The following TMEFF2 variants were observed in gnomAD, a reference collection of about 807,000 sequenced individuals.
TMEFF2 encodes tomoregulin-2.
A neutral mutation model predicts 53.8 loss-of-function variants in TMEFF2; 28 were observed. The observed-to-expected ratio is 0.52, with a 90% CI of 0.39 to 0.71. TMEFF2 has a LOEUF of 0.71. Ranked by LOEUF, TMEFF2 falls within the 30% of genes least tolerant of loss-of-function variation. TMEFF2 has a pLI of 0.00. For synonymous variants in TMEFF2, 162 were observed against 166.3 expected, an observed-to-expected ratio of 0.97 and a Z score of 0.20; for missense variants, 353 against 455.2, an observed-to-expected ratio of 0.78 and a Z score of 2.04.
At position 191,998,335 on chromosome 2, in the gene TMEFF2, T is replaced by G; in HGVS notation, c.686-14A>C. On this transcript the variant is annotated splice_polypyrimidine_tract_variant and intron_variant, in intron 6 of 9. Coordinates refer to ENST00000272771, the MANE Select transcript of TMEFF2 (RefSeq NM_016192.4). ...TAGTTGTGTTATCTGTGTTAAAAAATTAACAATAAAAATTGATTAACTGCT... is the reference window on the plus strand; with the variant it reads ...TAGTTGTGTTATCTGTGTTAAAAAAGTAACAATAAAAATTGATTAACTGCT... 2 of 1,577,708 alleles carry G rather than the reference T, an allele frequency of 1.3e-6. No individual in the cohort carries two copies. The highest frequency in any genetic ancestry group is 1.7e-6 in the Non-Finnish European group (2 of 1,157,996).
intron 5 of TMEFF2, among the ~76,000 whole-genome samples, chr2:192,057,030 A>G (rs915618341): frequency 3.9e-5 from 6 of 152,012 alleles, no homozygotes; most frequent in African/African-American, 9.7e-5. Context: ...CTGATCATCT[A>G]TTGCTGCCTG....
chr2:191,968,086 A>T (rs1692519485), intron 7 of TMEFF2, among the ~76,000 whole-genome samples: 1 of 152,218 alleles, frequency 6.6e-6, no homozygotes, highest in Admixed American at 6.5e-5. Context: ...GGCTTCTTTA[A>T]TGACTCTGTT....
intron 2 of TMEFF2, among the ~76,000 whole-genome samples, chr2:192,185,802 A>G (rs949980582): frequency 1.3e-5 from 2 of 152,106 alleles, no homozygotes; most frequent in Non-Finnish European, 2.9e-5. Context: ...TAATAGCTTA[A>G]TTATCATAAC....
intron 7 of TMEFF2, among the ~76,000 whole-genome samples, chr2:191,990,900 G>A (rs539477043): frequency 2.4e-4 from 37 of 151,632 alleles, no homozygotes; most frequent in African/African-American, 8.5e-4. Flanking sequence ...GAATATTTAG[G>A]TCCTCTAAAC....
In TMEFF2 at chr2:192,194,462, C is replaced by A. The variant is rs200513061; in HGVS notation, c.63G>T (p.Trp21Cys). 7.4e-5 allele frequency: 119 copies of A among 1,614,164 alleles called. No individual in the cohort carries two copies. The highest frequency in any genetic ancestry group is 1.0e-4 in the Non-Finnish European group (119 of 1,180,024). The change falls in exon 1 of 10, where the codon TGG (tryptophan) becomes TGT (cysteine). Residue 21 changes from tryptophan to cysteine, a missense_variant. Trp to Cys is a radical substitution (Grantham distance 215). Transcript: ENST00000272771. This position sits in a 1 kb window ranked among gnomAD's most constrained non-coding sequence, Gnocchi z 4.2. Reference protein sequence around the residue: ...SSWTLCEGFCWLLLLPVMLLI... With the variant: ...SSWTLCEGFCCLLLLPVMLLI... ...GTAGCATGACGGGCAGCAGCAGCAGCCAGCAAAAGCCCTCGCAAAGTGTCC... is the reference window on the plus strand; with the variant it reads ...GTAGCATGACGGGCAGCAGCAGCAGACAGCAAAAGCCCTCGCAAAGTGTCC...
rs1470649243 is a variant in TMEFF2 at position 191,964,251 on chromosome 2, TCCTTCC to T, written c.746-7879_746-7874del. ...TTCTTTCCTTCCTTCCTTCCTTCCT[TCCTTCC>T]TCCTTTCTTTTCTTTTTTCTTTTCC... On this transcript the variant is annotated intron_variant, in intron 7 of 9. Transcript: ENST00000272771. 3.1e-3 allele frequency among the ~76,000 whole-genome samples: 197 copies of T among 64,328 alleles called. 2 individuals are homozygous for T. The highest frequency in any genetic ancestry group is 8.5e-3 in the African/African-American group (147 of 17,252). 42.2% of individuals were successfully genotyped at this position (64,328 alleles called of 152,430 possible). A position where few individuals can be genotyped will look rare whatever the true frequency, so the allele number is the denominator to read the frequency against.
At chr2:191,975,431 CA>C (rs1212396440) in intron 7 of TMEFF2, among the ~76,000 whole-genome samples, 4 of 150,738 alleles carry the variant, frequency 2.7e-5, no homozygotes, top group Non-Finnish European at 4.4e-5. Flanking sequence ...TCTCCAAACT[CA>C]AATATCTACA....
intron 5 of TMEFF2, among the ~76,000 whole-genome samples, chr2:192,045,567 C>A (rs543810957): frequency 1.8e-4 from 27 of 152,344 alleles, no homozygotes; most frequent in Non-Finnish European, 3.2e-4. Context: ...GCTTCTTTCT[C>A]CAGCCAACCC....
intron 8 of TMEFF2, 31 bp downstream of exon 8, chr2:191,956,224 C>T (rs1012152238): frequency 1.0e-5 from 16 of 1,582,496 alleles, no homozygotes; most frequent in African/African-American, 1.4e-5. Context: ...TAACTTTATA[C>T]ATTAACTATT....
intron 5 of TMEFF2, among the ~76,000 whole-genome samples, chr2:192,045,230 A>C (rs1247797189): frequency 6.6e-6 from 1 of 152,226 alleles, no homozygotes; most frequent in Non-Finnish European, 1.5e-5. Flanking sequence ...ACAATGGTGA[A>C]GAAAAATCCT....
chr2:192,011,845 C>T (rs756539802), intron 5 of TMEFF2, among the ~76,000 whole-genome samples: 2 of 152,076 alleles, frequency 1.3e-5, no homozygotes, highest in African/African-American at 2.4e-5. Context: ...TTTAAGCAAG[C>T]TCAGTTATAA....
Position 192,089,952 on chromosome 2 carries a change from A to ATGACT in TMEFF2, c.440-32182_440-32178dup, listed in dbSNP as rs1688754018. Among the ~76,000 whole-genome samples, 3 of 152,288 alleles carry ATGACT rather than the reference A, an allele frequency of 2.0e-5. No homozygotes were observed. In the South Asian group the frequency reaches 6.2e-4, roughly 32 times the overall value. ...CCACGCATTGACTTCCCTATGTAAG[A>ATGACT]TGACTTCTCTTCTCTTTTCTTGAGA... On this transcript the variant is annotated intron_variant, in intron 4 of 9. Transcript: ENST00000272771.
chr2:192,112,585 G>A (rs1460310415), intron 4 of TMEFF2, among the ~76,000 whole-genome samples: 1 of 152,150 alleles, frequency 6.6e-6, no homozygotes, highest in Non-Finnish European at 1.5e-5. Context: ...AGTTAATGCT[G>A]AAATGAGTTA....
chr2:191,973,365 C>T (rs1167725756), intron 7 of TMEFF2, among the ~76,000 whole-genome samples: 1 of 151,964 alleles, frequency 6.6e-6, no homozygotes, highest in African/African-American at 2.4e-5. Context: ...GACTGCAACA[C>T]TCCTAACAGG....
intron 4 of TMEFF2, among the ~76,000 whole-genome samples, chr2:192,064,969 A>G (rs1032577669): frequency 1.3e-5 from 2 of 151,856 alleles, no homozygotes; most frequent in African/African-American, 4.8e-5. Context: ...TACCTAATGA[A>G]AGCTGACTAA....
At chr2:192,171,518 G>T (rs1001225059) in intron 4 of TMEFF2, among the ~76,000 whole-genome samples, 2 of 151,818 alleles carry the variant, frequency 1.3e-5, no homozygotes, top group South Asian at 4.1e-4. Flanking sequence ...CCCAGAAAAA[G>T]AACTTTCTGT....
intron 5 of TMEFF2, among the ~76,000 whole-genome samples, chr2:192,009,345 T>TA (rs1180192114): frequency 6.6e-6 from 1 of 152,188 alleles, no homozygotes; most frequent in African/African-American, 2.4e-5. Flanking sequence ...TTTCATCTTA[T>TA]GATATAAAGG....
chr2:192,013,354 G>T (rs995801403), intron 5 of TMEFF2, among the ~76,000 whole-genome samples: 5 of 152,042 alleles, frequency 3.3e-5, no homozygotes, highest in African/African-American at 4.8e-5. Flanking sequence ...CCTAATCTCA[G>T]ATACTTGCAT....
At chr2:192,164,972 T>C (rs980371819) in intron 4 of TMEFF2, among the ~76,000 whole-genome samples, 5 of 76,896 alleles carry the variant, frequency 6.5e-5, no homozygotes, top group Admixed American at 6.4e-4. Context: ...ATACTCTGAA[T>C]AAAAACTGTG....
Sources: allele counts gnomAD v4.1 joint callset (sites outside exome capture counted in the v4.1 genomes callset), GRCh38; gene constraint gnomAD v4.1.1; non-coding constraint Gnocchi (gnomAD v3.1); transcripts MANE v1.5; gene names NCBI Gene and HGNC (gene_info 2026-07-23, HGNC 2026-07-21).